Variants in ZNF223 observed in about 807,000 individuals in gnomAD.
ZNF223 encodes Homo sapiens zinc finger protein 223.
ZNF223 carries 9 observed loss-of-function variants against 12.3 expected under a neutral mutation model. The ratio of observed to expected loss-of-function variants is 0.73; its 90% confidence interval spans 0.44 to 1.28. ZNF223 has a LOEUF of 1.28. Ranked by LOEUF, ZNF223 falls within the 50% of genes most tolerant of loss-of-function variation. ZNF223 has a pLI of 0.00. For missense variants in ZNF223, 506 were observed against 579.0 expected (o/e 0.87, Z 1.29); for synonymous variants, 171 against 195.2 (o/e 0.88, Z 1.03).
rs940247119 is a variant in ZNF223 at position 44,067,361 on chromosome 19, A to G, written c.*84A>G. On this transcript the variant is annotated 3_prime_UTR_variant, in exon 5 of 5. Coordinates refer to ENST00000434772, the MANE Select transcript of ZNF223 (RefSeq NM_013361.6). ...ATGATCAAATCAGTGTAATTAGCAC[A>G]TTTATCACCTCAATTATCTCTTTTT... 3.8e-6 allele frequency: 5 copies of G among 1,313,922 alleles called. No individual in the cohort carries two copies. Among genetic ancestry groups the G allele is most frequent in the African/African-American group, 1.5e-5 (1 of 68,450 alleles). The allele number at this position is 1,313,922 out of a possible 1,614,324, so 81.4% of individuals were successfully genotyped here.
chr19:44,060,171 A>G (rs1568513359), intron 2 of ZNF223, among the ~76,000 whole-genome samples: 1 of 152,170 alleles, frequency 6.6e-6, no homozygotes, highest in Non-Finnish European at 1.5e-5. Context: ...GTAGCCCAGT[A>G]TGCAGCATTT....
rs1310551119 is a variant in ZNF223 at position 44,066,821 on chromosome 19, G to A, written c.993G>A (p.Leu331=). 4 of 1,613,420 alleles carry A rather than the reference G, an allele frequency of 2.5e-6. No homozygotes were observed. The highest frequency in any genetic ancestry group is 1.1e-5 in the South Asian group (1 of 91,040). The change falls in exon 5 of 5, where the codon TTG becomes TTA. Residue 331 remains leucine (L), a synonymous_variant. Coordinates refer to ENST00000434772, the MANE Select transcript of ZNF223 (RefSeq NM_013361.6). The part of the protein sequence containing the change: ...YGKGFIRRLD[L]CKHQTIHTGE... The stretch of plus-strand genomic sequence containing the variant: ...AAGGCTTCATTCGTAGGCTGGATTT[G>A]TGTAAGCATCAGACGATCCACACAG...
At position 44,066,402 on chromosome 19, in the gene ZNF223, C is replaced by T. The variant is rs1237949914; in HGVS notation, c.574C>T (p.His192Tyr). The T allele has an allele frequency of 1.2e-6, 2 of 1,614,224 alleles. No individual in the cohort carries two copies. The highest frequency in any genetic ancestry group is 1.7e-6 in the Non-Finnish European group (2 of 1,180,048). ...AAGCTTCTGTTACATCTCAGCGCTT[C>T]ATATTCATCAGAGAGTCCACCTGGG... ...GKSFCYISAL[H>Y]IHQRVHLGEK... Residue 192 changes from histidine (H) to tyrosine (Y), a missense_variant, in exon 5 of 5, where the codon CAT becomes TAT. Coordinates refer to ENST00000434772, the MANE Select transcript of ZNF223 (RefSeq NM_013361.6).
At position 44,060,441 on chromosome 19, in the gene ZNF223, G is replaced by A; in HGVS notation, c.16-14G>A. The A allele has an allele frequency of 6.2e-7, 1 of 1,613,750 alleles. No homozygotes were observed. The highest frequency in any genetic ancestry group is 8.5e-7 in the Non-Finnish European group (1 of 1,179,796). ...TGGTAGTGAGATTGAGGTTGCATAT[G>A]TTTGATGCTGTAGGAGGCAGTGACC... is the stretch of plus-strand genomic sequence containing the variant. On this transcript the variant is annotated splice_polypyrimidine_tract_variant and intron_variant, in intron 2 of 4. Coordinates refer to ENST00000434772, the MANE Select transcript of ZNF223 (RefSeq NM_013361.6).
chr19:44,067,217 G>A lies in ZNF223; in HGVS notation c.1389G>A (p.Lys463=), dbSNP rs773473902. The A allele has an allele frequency of 1.9e-6, 3 of 1,608,376 alleles. No individual in the cohort carries two copies. The South Asian group carries it at 3.4e-5, about 18-fold the overall frequency. The change falls in exon 5 of 5, where the codon AAG becomes AAA. Residue 463 remains lysine (K), a synonymous_variant. Coordinates refer to ENST00000434772, the MANE Select transcript of ZNF223 (RefSeq NM_013361.6). The part of the protein sequence containing the change: ...ENPSKCEDCG[K]RYKRRLNLDI... ...CATCCAAATGTGAAGACTGTGGGAA[G>A]CGCTACAAGAGGCGCTTGAATCTTG...
chr19:44,055,400 C>T lies in ZNF223; in HGVS notation c.15+209C>T, dbSNP rs554805297. On this transcript the variant is annotated intron_variant, in intron 2 of 4. Coordinates refer to ENST00000434772, the MANE Select transcript of ZNF223 (RefSeq NM_013361.6). Reference sequence around the variant, plus strand: ...AACTTCTGACCTCAAGTGATCTGCCCGCCTCGGCCTCCCAAAGTGCTGGGA... The same window carrying T: ...AACTTCTGACCTCAAGTGATCTGCCTGCCTCGGCCTCCCAAAGTGCTGGGA... 1.3e-4 allele frequency among the ~76,000 whole-genome samples: 20 copies of T among 151,946 alleles called. No individual in the cohort carries two copies. In the South Asian group the frequency reaches 4.0e-3, roughly 30 times the overall value.
chr19:44,060,537 A>G lies in ZNF223; in HGVS notation c.98A>G (p.Tyr33Cys), dbSNP rs779228967. The G allele has an allele frequency of 3.7e-6, 6 of 1,614,034 alleles. No individual in the cohort carries two copies. Among genetic ancestry groups the G allele is most frequent in the African/African-American group, 1.3e-5 (1 of 74,936 alleles). The change falls in exon 3 of 5, where the codon TAT (tyrosine) becomes TGT (cysteine). Residue 33 changes from tyrosine to cysteine, a missense_variant. Transcript: ENST00000434772. Reference sequence around the variant, plus strand: ...CTGGACCTTGCCCAGAGGAAGCTGTATCGAGATGTGATGCTGGAGAACTTC... The same window carrying G: ...CTGGACCTTGCCCAGAGGAAGCTGTGTCGAGATGTGATGCTGGAGAACTTC... ...GLLDLAQRKL[Y>C]RDVMLENFRN... is the part of the protein sequence containing the mutation.
intron 4 of ZNF223, chr19:44,063,234 C>G (rs1304782672): frequency 6.6e-6 from 1 of 152,234 alleles, no homozygotes; most frequent in Non-Finnish European, 1.5e-5. Context: ...GGGTTTGTTT[C>G]ACTCAGCCCA....
In ZNF223 at chr19:44,066,641, T is replaced by C. The variant is rs1405789161; in HGVS notation, c.813T>C (p.His271=). The change falls in exon 5 of 5, where the codon CAT becomes CAC. Residue 271 remains histidine, a synonymous_variant. Transcript: ENST00000434772. ...NCEACGRAFI[H]DFQLQKHQRI... is the part of the protein sequence containing the mutation. ...AGGCATGTGGGAGGGCCTTCATTCA[T>C]GATTTCCAGCTTCAGAAACATCAGA... 5.0e-6 allele frequency: 8 copies of C among 1,614,214 alleles called. No individual in the cohort carries two copies. The South Asian group carries it at 8.8e-5, about 18-fold the overall frequency.
intron 1 of ZNF223, among the ~76,000 whole-genome samples, chr19:44,052,594 C>T (rs1046559111): frequency 6.6e-6 from 1 of 152,088 alleles, no homozygotes; most frequent in Non-Finnish European, 1.5e-5. Flanking sequence ...ATTGCAAAAA[C>T]AGTATAAGAA....
In ZNF223 at chr19:44,066,359, C is replaced by T. The variant is rs1248056073; in HGVS notation, c.531C>T (p.Ser177=). ...QQIRSAEKSH[S]CDECGKSFCY... ...TACGCTCAGCAGAGAAGTCTCATTC[C>T]TGTGATGAGTGTGGAAAAAGCTTCT... The change falls in exon 5 of 5, where the codon TCC becomes TCT. Residue 177 remains serine, a synonymous_variant. Coordinates refer to ENST00000434772, the MANE Select transcript of ZNF223 (RefSeq NM_013361.6). 4 of 1,614,092 alleles carry T rather than the reference C, an allele frequency of 2.5e-6. No homozygotes were observed. The highest frequency in any genetic ancestry group is 3.4e-6 in the Non-Finnish European group (4 of 1,180,048).
At chr19:44,054,966 T>C in intron 1 of ZNF223, 143 bp from the exon 2 acceptor site, 1 of 476,370 alleles carries the variant, frequency 2.1e-6, no homozygotes, top group Non-Finnish European at 3.8e-6. Context: ...GGAGAGCTTT[T>C]TGGTTGTGTG....
At chr19:44,058,362 T>C (rs950164174) in intron 2 of ZNF223, among the ~76,000 whole-genome samples, 7 of 152,074 alleles carry the variant, frequency 4.6e-5, no homozygotes, top group African/African-American at 1.7e-4. Context: ...GTGTAACACC[T>C]TGACTGACAC....
intron 4 of ZNF223, among the ~76,000 whole-genome samples, chr19:44,065,647 G>A (rs1485499160): frequency 6.8e-6 from 1 of 148,088 alleles, no homozygotes; most frequent in Non-Finnish European, 1.5e-5. Context: ...GCACGATCTC[G>A]GCTTGCTGCA....
chr19:44,053,304 C>T (rs913883775), intron 1 of ZNF223, among the ~76,000 whole-genome samples: 2 of 152,130 alleles, frequency 1.3e-5, no homozygotes, highest in African/African-American at 4.8e-5. Context: ...ACTATCTCTA[C>T]TATCTTGGTG....
intron 4 of ZNF223, among the ~76,000 whole-genome samples, chr19:44,064,864 T>C (rs924977123): frequency 6.6e-6 from 1 of 152,162 alleles, no homozygotes; most frequent in African/African-American, 2.4e-5. Context: ...AAAATTAGCA[T>C]GTGACTTAGA....
At chr19:44,060,213 C>T in intron 2 of ZNF223, among the ~76,000 whole-genome samples, 1 of 152,170 alleles carries the variant, frequency 6.6e-6, no homozygotes, top group East Asian at 1.9e-4. Context: ...CAAGTAAACT[C>T]AATGAGTTCA....
chr19:44,067,780 C>G lies in ZNF223; in HGVS notation c.*503C>G, dbSNP rs1976942416. 1 of 230,524 alleles carries G rather than the reference C, an allele frequency of 4.3e-6. No homozygotes were observed. The highest frequency in any genetic ancestry group is 5.1e-5 in the Admixed American group (1 of 19,436). 14.3% of individuals were successfully genotyped at this position (230,524 alleles called of 1,614,324 possible). ...GTATAAGAGTTTGTTCACACACTTT[C>G]AAAACACTAATGATGAACATGTCAA... is the stretch of plus-strand genomic sequence containing the variant. On this transcript the variant is annotated 3_prime_UTR_variant, in exon 5 of 5. Coordinates refer to ENST00000434772, the MANE Select transcript of ZNF223 (RefSeq NM_013361.6).
Position 44,060,562 on chromosome 19 carries a change from C to T in ZNF223, c.123C>T (p.Phe41=). ...ATCGAGATGTGATGCTGGAGAACTT[C>T]AGGAACCTGCTGTCAGTGGGTGAGG... ...KLYRDVMLEN[F]RNLLSVGHQP... is the part of the protein sequence containing the mutation. Residue 41 remains phenylalanine (F), a synonymous_variant, in exon 3 of 5, where the codon TTC becomes TTT. Transcript: ENST00000434772. 6.2e-7 allele frequency: 1 copy of T among 1,614,126 alleles called. No individual in the cohort carries two copies. Among genetic ancestry groups the T allele is most frequent in the Non-Finnish European group, 8.5e-7 (1 of 1,180,002 alleles).
Sources: allele counts gnomAD v4.1 joint callset (sites outside exome capture counted in the v4.1 genomes callset), GRCh38; gene constraint gnomAD v4.1.1; transcripts MANE v1.5; gene names NCBI Gene and HGNC (gene_info 2026-07-23, HGNC 2026-07-21).